The following TICRR variants were observed in gnomAD, a reference collection of about 807,000 sequenced individuals.
The protein encoded by TICRR is treslin.
Under a neutral mutation model 178.1 loss-of-function variants are expected in TICRR, and 132 were observed. The observed-to-expected ratio is 0.74, with a 90% confidence interval of 0.64 to 0.86. The LOEUF (loss-of-function observed/expected upper bound fraction) is 0.86, where lower values mean the gene tolerates loss of function less well. Ranked by LOEUF, TICRR falls within the 40% of genes least tolerant of loss-of-function variation. TICRR has a pLI of 0.00. For synonymous variants in TICRR, 991 were observed against 900.7 expected (o/e 1.10, Z -1.79); for missense variants, 2,587 against 2,334.3 (o/e 1.11, Z -2.23).
At position 89,627,241 on chromosome 15, in the gene TICRR, C is replaced by A; in HGVS notation, c.*155C>A. On this transcript the variant is annotated 3_prime_UTR_variant, in exon 22 of 22. Coordinates refer to ENST00000268138, the MANE Select transcript of TICRR (RefSeq NM_152259.4). Reference sequence around the variant, plus strand: ...GGTTTTCTAATTCCCCTTATGGATCCAATCCATCTCCTGGCCCTGCCCCTT... The same window carrying A: ...GGTTTTCTAATTCCCCTTATGGATCAAATCCATCTCCTGGCCCTGCCCCTT... The A allele has an allele frequency of 2.3e-6, 2 of 859,482 alleles. No individual in the cohort carries two copies. The highest frequency in any genetic ancestry group is 3.5e-6 in the Non-Finnish European group (2 of 571,488). 53.2% of individuals were successfully genotyped at this position (859,482 alleles called of 1,614,324 possible).
rs559881222 is a variant in TICRR, at chr15:89,598,448, C to T, written c.1901-876C>T. Among the ~76,000 whole-genome samples the T allele has an allele frequency of 4.1e-3, 622 of 152,168 alleles. 1 individual carries two copies. Among genetic ancestry groups the T allele is most frequent in the African/African-American group, 0.014 (597 of 41,528 alleles). On this transcript the variant is annotated intron_variant, in intron 7 of 21. Transcript: ENST00000268138. ...TGCGGTCTTGGCTCACTGCAACCTCCGCCTCCCAGGTTCAAGTGATTCTCC... is the reference window on the plus strand; with the variant it reads ...TGCGGTCTTGGCTCACTGCAACCTCTGCCTCCCAGGTTCAAGTGATTCTCC...
chr15:89,578,788 T>A (rs1195576700), intron 1 of TICRR, among the ~76,000 whole-genome samples: 2 of 152,126 alleles, frequency 1.3e-5, no homozygotes, highest in Non-Finnish European at 2.9e-5. Flanking sequence ...ATCGGCTGTA[T>A]CCCCTAAGAA....
Position 89,601,529 on chromosome 15 carries a change from C to G in TICRR, c.2288C>G (p.Ser763Ter). The change falls in exon 11 of 22, where the codon TCA becomes TGA. Residue 763 changes from serine (S) to a stop codon, truncating the protein, a stop_gained. Transcript: ENST00000268138. LOFTEE classifies it high-confidence loss of function. ...LLRMVCLTED[S>*]AYLAEFLEEI... Reference sequence around the variant, plus strand: ...CGCATGGTGTGTTTAACTGAGGATTCAGCGTACCTAGCAGAGTTTCTGGAG... The same window carrying G: ...CGCATGGTGTGTTTAACTGAGGATTGAGCGTACCTAGCAGAGTTTCTGGAG... 6.2e-7 allele frequency: 1 copy of G among 1,614,194 alleles called. No homozygotes were observed. Among genetic ancestry groups the G allele is most frequent in the Non-Finnish European group, 8.5e-7 (1 of 1,180,044 alleles).
chr15:89,593,161 A>T (rs769871048), intron 5 of TICRR, among the ~76,000 whole-genome samples: 1 of 152,202 alleles, frequency 6.6e-6, no homozygotes, highest in African/African-American at 2.4e-5. Context: ...GCACACAAAC[A>T]TCTGTTGAAA....
intron 1 of TICRR, 30 bp downstream of exon 1, chr15:89,576,270 C>T: frequency 6.6e-7 from 1 of 1,510,438 alleles, no homozygotes; most frequent in Non-Finnish European, 8.8e-7. Flanking sequence ...TCTCAGATGG[C>T]GTGCACGGTG....
rs754663254 is a variant in TICRR at position 89,619,844 on chromosome 15, T to G, written c.3154+2T>G. ...ACTCTTTCCAGCAAGATAAGTCAGG[T>G]AACATACGGGCCCCTCTGCCTTCAC... is the stretch of plus-strand genomic sequence containing the variant. On this transcript the variant is annotated splice_donor_variant, in intron 18 of 21. Coordinates refer to ENST00000268138, the MANE Select transcript of TICRR (RefSeq NM_152259.4). LOFTEE classifies it high-confidence loss of function. 6.2e-7 allele frequency: 1 copy of G among 1,608,144 alleles called. No homozygotes were observed. The highest frequency in any genetic ancestry group is 1.1e-5 in the South Asian group (1 of 89,482).
In TICRR at chr15:89,584,155, C is replaced by G. The variant is rs771028064; in HGVS notation, c.935-131C>G. 3 of 917,820 alleles carry G rather than the reference C, an allele frequency of 3.3e-6. No individual in the cohort carries two copies. In the Admixed American group the frequency reaches 9.1e-5, roughly 28 times the overall value. The allele number at this position is 917,820 out of a possible 1,614,324, so 56.9% of individuals were successfully genotyped here. ...GAAGTGTTCAACTAAGTGACAGTAT[C>G]TCAATTGACAACTTGATTATTTTCT... On this transcript the variant is annotated intron_variant, in intron 2 of 21. Transcript: ENST00000268138.
intron 19 of TICRR, 57 bp downstream of exon 19, chr15:89,621,607 G>A: frequency 1.4e-6 from 2 of 1,452,004 alleles, no homozygotes; most frequent in Non-Finnish European, 1.9e-6. Context: ...CAGAGACATG[G>A]CCAAGGAACT....
At position 89,624,471 on chromosome 15, in the gene TICRR, G is replaced by T; in HGVS notation, c.4161G>T (p.Lys1387Asn). 4 of 1,614,186 alleles carry T rather than the reference G, an allele frequency of 2.5e-6. No individual in the cohort carries two copies. Among genetic ancestry groups the T allele is most frequent in the Non-Finnish European group, 3.4e-6 (4 of 1,180,048 alleles). The change falls in exon 20 of 22, where the codon AAG becomes AAT. Residue 1387 changes from lysine to asparagine, a missense_variant. Physicochemically the swap from Lys to Asn is moderately conservative, Grantham distance 94 (BLOSUM62 0). Coordinates refer to ENST00000268138, the MANE Select transcript of TICRR (RefSeq NM_152259.4). ...PPSKVGKRCR[K>N]TSDPRRSIVE... is the part of the protein sequence containing the mutation. Reference sequence around the variant, plus strand: ...CTAAAGTTGGGAAACGGTGTAGAAAGACCTCTGATCCCAGAAGGAGCATCG... The same window carrying T: ...CTAAAGTTGGGAAACGGTGTAGAAATACCTCTGATCCCAGAAGGAGCATCG...
At chr15:89,581,468 G>A (rs1326325803) in intron 1 of TICRR, among the ~76,000 whole-genome samples, 1 of 152,206 alleles carries the variant, frequency 6.6e-6, no homozygotes, top group Non-Finnish European at 1.5e-5. Context: ...GTGAAGGAGT[G>A]AAGCAGGGCT....
At chr15:89,619,935 C>G (rs944886361) in intron 18 of TICRR, 93 bp downstream of exon 18, 2 of 1,465,454 alleles carry the variant, frequency 1.4e-6, no homozygotes, top group East Asian at 4.6e-5. Flanking sequence ...CATTTTCTTT[C>G]TTGACATTGG....
chr15:89,616,962 C>G (rs1963345328), intron 16 of TICRR, among the ~76,000 whole-genome samples: 1 of 152,134 alleles, frequency 6.6e-6, no homozygotes, highest in African/African-American at 2.4e-5. Context: ...GGCTTGAGAG[C>G]TCTCCTTCCT....
Position 89,625,479 on chromosome 15 carries a change from C to T in TICRR, c.5169C>T (p.His1723=), listed in dbSNP as rs767153517. Residue 1723 remains histidine, a synonymous_variant, in exon 20 of 22, where the codon CAC becomes CAT. Transcript: ENST00000268138. ...LSLLESEGKD[H]GLELSIHRTP... ...TGCTTGAGTCAGAGGGCAAGGACCACGGCCTTGAACTCAGCATCCACAGGA... is the reference window on the plus strand; with the variant it reads ...TGCTTGAGTCAGAGGGCAAGGACCATGGCCTTGAACTCAGCATCCACAGGA... The T allele has an allele frequency of 1.2e-5, 19 of 1,613,792 alleles. No homozygotes were observed. The highest frequency in any genetic ancestry group is 2.2e-5 in the East Asian group (1 of 44,842).
intron 7 of TICRR, among the ~76,000 whole-genome samples, chr15:89,598,831 C>T (rs1963044367): frequency 6.6e-6 from 1 of 151,942 alleles, no homozygotes; most frequent in South Asian, 2.1e-4. Context: ...CATGGTGAAA[C>T]CCTGTCTTTA....
chr15:89,622,224 G>GACC (rs1261484378), intron 19 of TICRR, among the ~76,000 whole-genome samples: 6 of 152,002 alleles, frequency 3.9e-5, no homozygotes, highest in Admixed American at 6.5e-5. Context: ...GACCTCAAGT[G>GACC]ATCCACCTGC....
intron 15 of TICRR, among the ~76,000 whole-genome samples, chr15:89,610,772 T>G (rs1199934121): frequency 6.6e-6 from 1 of 152,186 alleles, no homozygotes; most frequent in East Asian, 1.9e-4. Flanking sequence ...TTTTTTTGTA[T>G]TTAGCTGATT....
At chr15:89,608,751 T>C in intron 14 of TICRR, 52 bp from the exon 15 acceptor site, 1 of 1,488,600 alleles carries the variant, frequency 6.7e-7, no homozygotes, top group Non-Finnish European at 9.0e-7. Context: ...ACGGCATTTA[T>C]TGATGATAAT....
intron 4 of TICRR, among the ~76,000 whole-genome samples, chr15:89,587,273 T>C (rs1962838302): frequency 6.6e-6 from 1 of 152,100 alleles, no homozygotes; most frequent in Admixed American, 6.6e-5. Flanking sequence ...AGGGTTTGTT[T>C]TGGGCATGGT....
At chr15:89,585,067 A>T (rs1436226442) in intron 3 of TICRR, among the ~76,000 whole-genome samples, 1 of 152,174 alleles carries the variant, frequency 6.6e-6, no homozygotes, top group Non-Finnish European at 1.5e-5. Flanking sequence ...ACTACCAGCA[A>T]ATTCCTTACC....
Sources: allele counts gnomAD v4.1 joint callset (sites outside exome capture counted in the v4.1 genomes callset), GRCh38; gene constraint gnomAD v4.1.1; transcripts MANE v1.5; gene names NCBI Gene and HGNC (gene_info 2026-07-23, HGNC 2026-07-21).